Variants in SMURF1 observed in about 807,000 individuals in gnomAD.
The protein encoded by SMURF1 is SMAD specific E3 ubiquitin protein ligase 1, also known as E3 ubiquitin-protein ligase SMURF1.
SMURF1 carries 44 observed loss-of-function variants against 98.0 expected under a neutral mutation model. The ratio of observed to expected loss-of-function variants is 0.45; its 90% CI spans 0.35 to 0.58. The LOEUF (loss-of-function observed/expected upper bound fraction) is 0.58, where lower values mean the gene tolerates loss of function less well. Ranked by LOEUF, SMURF1 falls within the 20% of genes least tolerant of loss-of-function variation. The probability of loss-of-function intolerance (pLI) is 0.00; values close to 1 mark genes in which losing one functional copy is unlikely to be tolerated. For synonymous variants in SMURF1, 396 were observed against 374.9 expected (o/e 1.06, Z -0.65); for missense variants, 687 against 938.4 (o/e 0.73, Z 3.50).
At chr7:99,035,821 C>T (rs1795113975) in intron 15 of SMURF1, 105 bp from the exon 16 acceptor site, 1 of 1,097,570 alleles carries the variant, frequency 9.1e-7, no homozygotes. Flanking sequence ...GATTCCCAAG[C>T]AAAGCAGCAG....
rs1304190331 is a variant in SMURF1 at position 99,027,842 on chromosome 7, T to TGACA, written c.*2738_*2741dup. 6.6e-6 allele frequency: 1 copy of TGACA among 152,622 alleles called. No individual in the cohort carries two copies. Among genetic ancestry groups the TGACA allele is most frequent in the Non-Finnish European group, 1.5e-5 (1 of 68,052 alleles). 9.5% of individuals were successfully genotyped at this position (152,622 alleles called of 1,614,324 possible). On this transcript the variant is annotated 3_prime_UTR_variant, in exon 18 of 18. Coordinates refer to ENST00000361368, the MANE Select transcript of SMURF1 (RefSeq NM_181349.3). ...CATTTTCTCTGCAGAAGGCCTTTCC[T>TGACA]GACATCTCGGGTTGGGTGACCACCT... is the stretch of plus-strand genomic sequence containing the variant.
chr7:99,032,844 G>C lies in SMURF1; in HGVS notation c.2096+193C>G, dbSNP rs539609372. 1.5e-5 allele frequency: 12 copies of C among 788,796 alleles called. No individual in the cohort carries two copies. In the South Asian group the frequency reaches 2.1e-4, roughly 14 times the overall value. The allele number at this position is 788,796 out of a possible 1,614,324, so 48.9% of individuals were successfully genotyped here. On this transcript the variant is annotated intron_variant, in intron 17 of 17. Transcript: ENST00000361368. ...ATGTCGGGGGGAAAGTCTCTTGCTT[G>C]AGGGCTTCAGAATTGTCATTCAACT...
At chr7:99,098,306 TG>T (rs1234022646) in intron 1 of SMURF1, among the ~76,000 whole-genome samples, 1 of 152,096 alleles carries the variant, frequency 6.6e-6, no homozygotes, top group Admixed American at 6.5e-5. Context: ...AACCCCAAAA[TG>T]AGCATTTTCC....
intron 1 of SMURF1, among the ~76,000 whole-genome samples, chr7:99,117,171 TG>T (rs1482162563): frequency 1.3e-5 from 2 of 152,142 alleles, no homozygotes; most frequent in African/African-American, 2.4e-5. Flanking sequence ...AGGATAAATC[TG>T]GACCCCCCTA....
At position 99,038,603 on chromosome 7, in the gene SMURF1, C is replaced by T. The variant is rs113906733; in HGVS notation, c.1551-78G>A. The stretch of plus-strand genomic sequence containing the variant: ...CCATTGGGTAGACAGAAAACATTTA[C>T]GACTGCCAAACCCGGGGCTGCAAGA... On this transcript the variant is annotated intron_variant, in intron 13 of 17. Coordinates refer to ENST00000361368, the MANE Select transcript of SMURF1 (RefSeq NM_181349.3). 348 of 1,537,522 alleles carry T rather than the reference C, an allele frequency of 2.3e-4. 6 individuals carry two copies. The South Asian group carries it at 3.3e-3, about 15-fold the overall frequency.
At chr7:99,116,538 T>C (rs993016173) in intron 1 of SMURF1, among the ~76,000 whole-genome samples, 2 of 152,148 alleles carry the variant, frequency 1.3e-5, no homozygotes, top group Admixed American at 1.3e-4. Flanking sequence ...AAGATCAACA[T>C]ACTAAAATCA....
intron 11 of SMURF1, among the ~76,000 whole-genome samples, chr7:99,043,036 A>G (rs150777879): frequency 1.8e-4 from 27 of 152,370 alleles, no homozygotes; most frequent in Admixed American, 8.5e-4. Context: ...CAAAGGCAAC[A>G]TTGCTGAATT....
chr7:99,112,428 C>T (rs1462620093), intron 1 of SMURF1, among the ~76,000 whole-genome samples: 1 of 152,118 alleles, frequency 6.6e-6, no homozygotes, highest in Non-Finnish European at 1.5e-5. Context: ...TGTGGCCACA[C>T]ATGACAAAGG....
chr7:99,060,523 C>A, intron 3 of SMURF1, 76 bp downstream of exon 3: 14 of 780,438 alleles, frequency 1.8e-5, no homozygotes, highest in Middle Eastern at 2.7e-4. Context: ...TTTTTTTTCT[C>A]TTGGATGTTT....
chr7:99,113,006 A>T (rs937792671), intron 1 of SMURF1, among the ~76,000 whole-genome samples: 1 of 152,120 alleles, frequency 6.6e-6, no homozygotes. Flanking sequence ...AATTTTTTTT[A>T]AATAAAGAGA....
Position 99,028,736 on chromosome 7 carries a change from TC to T in SMURF1, c.*1847del, listed in dbSNP as rs1048791928. ...AAATCAGGTGGGGCCTCTGACCTCA[TC>T]CCGGAGGCCGCTTCAGTTCTCGAAT... On this transcript the variant is annotated 3_prime_UTR_variant, in exon 18 of 18. Coordinates refer to ENST00000361368, the MANE Select transcript of SMURF1 (RefSeq NM_181349.3). The T allele has an allele frequency of 6.6e-6, 1 of 152,250 alleles. No homozygotes were observed. The highest frequency in any genetic ancestry group is 1.5e-5 in the Non-Finnish European group (1 of 68,048). The allele number at this position is 152,250 out of a possible 1,614,324, so 9.4% of individuals were successfully genotyped here. A position where few individuals can be genotyped will look rare whatever the true frequency, so the allele number is the denominator to read the frequency against.
chr7:99,128,052 A>G (rs1044852194), intron 1 of SMURF1, among the ~76,000 whole-genome samples: 4 of 152,218 alleles, frequency 2.6e-5, no homozygotes, highest in African/African-American at 9.6e-5. Context: ...AACCCTATGC[A>G]AAATACAGTA....
chr7:99,065,861 C>T (rs1329611825), intron 1 of SMURF1, among the ~76,000 whole-genome samples: 3 of 152,130 alleles, frequency 2.0e-5, no homozygotes, highest in African/African-American at 7.2e-5. Flanking sequence ...TCCTGGCCAA[C>T]ATGGTGAAAC....
At position 99,042,063 on chromosome 7, in the gene SMURF1, C is replaced by A. The variant is rs985155078; in HGVS notation, c.1371+55G>T. On this transcript the variant is annotated intron_variant, in intron 12 of 17. Coordinates refer to ENST00000361368, the MANE Select transcript of SMURF1 (RefSeq NM_181349.3). ...AAGGACTGAGAATGAAACTGAAAAT[C>A]CATCTCAAAACTTCTCCAACTCAAT... The A allele has an allele frequency of 8.7e-6, 12 of 1,371,634 alleles. No homozygotes were observed. In the African/African-American group the frequency reaches 1.4e-4, roughly 16 times the overall value. The allele number at this position is 1,371,634 out of a possible 1,614,324, so 85.0% of individuals were successfully genotyped here.
chr7:99,032,679 C>T (rs1217034849), intron 17 of SMURF1, among the ~76,000 whole-genome samples: 1 of 152,146 alleles, frequency 6.6e-6, no homozygotes, highest in South Asian at 2.1e-4. Context: ...AAACAAAAAA[C>T]TAAATCAAGA....
chr7:99,043,787 G>T (rs759973199), intron 11 of SMURF1, among the ~76,000 whole-genome samples: 14 of 152,162 alleles, frequency 9.2e-5, no homozygotes, highest in African/African-American at 3.4e-4. Flanking sequence ...GGAAGATGCA[G>T]ATGAGAAAGA....
intron 1 of SMURF1, among the ~76,000 whole-genome samples, chr7:99,067,948 T>TC (rs1042273093): frequency 1.3e-5 from 2 of 151,534 alleles, no homozygotes; most frequent in South Asian, 2.1e-4. Context: ...AACGAGACTA[T>TC]CCCCCCCACC....
At position 99,037,119 on chromosome 7, in the gene SMURF1, T is replaced by C. The variant is rs748802418; in HGVS notation, c.1757A>G (p.Asn586Ser). 8.1e-6 allele frequency: 13 copies of C among 1,614,052 alleles called. No homozygotes were observed. Among genetic ancestry groups the C allele is most frequent in the Admixed American group, 3.3e-5 (2 of 60,018 alleles). Residue 586 changes from asparagine to serine, a missense_variant, in exon 15 of 18, where the codon AAT becomes AGT. Coordinates refer to ENST00000361368, the MANE Select transcript of SMURF1 (RefSeq NM_181349.3). ...AQFLALQKGF[N>S]ELIPQHLLKP... The stretch of plus-strand genomic sequence containing the variant: ...CAGCAGATGTTGAGGGATGAGCTCA[T>C]TGAACCCCTTCTGCAGAGCTAAGAA...
chr7:99,116,145 T>C (rs1213211054), intron 1 of SMURF1, among the ~76,000 whole-genome samples: 2 of 152,178 alleles, frequency 1.3e-5, no homozygotes, highest in African/African-American at 4.8e-5. Flanking sequence ...AATCAATCAA[T>C]GTAATATGCC....
Sources: allele counts gnomAD v4.1 joint callset (sites outside exome capture counted in the v4.1 genomes callset), GRCh38; gene constraint gnomAD v4.1.1; transcripts MANE v1.5; gene names NCBI Gene and HGNC (gene_info 2026-07-23, HGNC 2026-07-21).